WASHC3: variants seen among roughly 807,000 people sequenced by gnomAD.
The protein encoded by WASHC3 is WASH complex subunit CCDC53.
WASHC3 carries 24 observed loss-of-function variants against 26.1 expected under a neutral mutation model. That is an observed-to-expected ratio of 0.92 (90% CI 0.66 to 1.29). The LOEUF is 1.29. WASHC3 is among the 50% of genes most tolerant of loss of function. The probability of loss-of-function intolerance (pLI) is 0.00; values close to 1 mark genes in which losing one functional copy is unlikely to be tolerated. For missense variants in WASHC3, 214 were observed against 229.6 expected (o/e 0.93, Z 0.44); for synonymous variants, 77 against 75.7 (o/e 1.02, Z -0.09).
chr12:102,038,550 GTTT>G (rs773417523), intron 5 of WASHC3, among the ~76,000 whole-genome samples: 7 of 152,094 alleles, frequency 4.6e-5, no homozygotes, highest in South Asian at 2.1e-4. Flanking sequence ...TGTTGTTGTT[GTTT>G]TTTAACAAGT....
chr12:102,026,210 T>C (rs896900593), intron 5 of WASHC3, among the ~76,000 whole-genome samples, 172 bp from the exon 6 acceptor site: 4 of 152,162 alleles, frequency 2.6e-5, no homozygotes, highest in African/African-American at 7.2e-5. Context: ...CCATTTTACA[T>C]TGACCTAACA....
intron 5 of WASHC3, among the ~76,000 whole-genome samples, chr12:102,034,522 T>G (rs1251327855): frequency 6.6e-6 from 1 of 152,096 alleles, no homozygotes; most frequent in African/African-American, 2.4e-5. Context: ...AGGTGATAAC[T>G]TATGACATTA....
intron 5 of WASHC3, among the ~76,000 whole-genome samples, 180 bp from the exon 6 acceptor site, chr12:102,026,218 A>G (rs1565812738): frequency 6.6e-6 from 1 of 152,142 alleles, no homozygotes; most frequent in Non-Finnish European, 1.5e-5. Context: ...CATTGACCTA[A>G]CAGAATTAGT....
intron 6 of WASHC3, 140 bp from the exon 7 acceptor site, chr12:102,013,332 AC>A: frequency 1.7e-6 from 1 of 595,212 alleles, no homozygotes; most frequent in South Asian, 2.0e-5. Flanking sequence ...GCTCTACACC[AC>A]AGCGTGCTTC....
upstream of WASHC3, chr12:102,062,002 C>A: frequency 6.4e-7 from 1 of 1,556,770 alleles, no homozygotes. Flanking sequence ...ACCCACAAAC[C>A]CCTCCCAGAT....
At chr12:102,019,596 T>C (rs1876864269) in intron 6 of WASHC3, among the ~76,000 whole-genome samples, 1 of 152,194 alleles carries the variant, frequency 6.6e-6, no homozygotes. Context: ...ATGAATATCA[T>C]GTATATTTTT....
chr12:102,061,271 G>T lies in WASHC3; in HGVS notation c.127C>A (p.Arg43Ser). The T allele has an allele frequency of 6.2e-7, 1 of 1,613,628 alleles. No individual in the cohort carries two copies. Among genetic ancestry groups the T allele is most frequent in the African/African-American group, 1.3e-5 (1 of 75,024 alleles). Residue 43 changes from arginine (R) to serine (S), a missense_variant, in exon 2 of 7, where the codon CGC (arginine) becomes AGC (serine). Transcript: ENST00000240079. ...ACCTCCTCACAAACTGTAGAAAAGC[G>T]GTTGAGGAACTGTACAGTGTGCACC... ...FVVHTVQFLN[R>S]FSTVCEEKLA...
At chr12:102,043,918 A>G in intron 4 of WASHC3, 187 bp downstream of exon 4, 1 of 360,504 alleles carries the variant, frequency 2.8e-6, no homozygotes, top group Non-Finnish European at 5.1e-6. Flanking sequence ...CAAAGAAAGT[A>G]TTAACTTCAG....
intron 3 of WASHC3, among the ~76,000 whole-genome samples, chr12:102,044,768 T>A (rs1409429955): frequency 6.6e-6 from 1 of 152,200 alleles, no homozygotes; most frequent in Non-Finnish European, 1.5e-5. Flanking sequence ...TATTAAAATA[T>A]GTTTCTTCTA....
At chr12:102,014,281 C>T (rs1876607696) in intron 6 of WASHC3, among the ~76,000 whole-genome samples, 1 of 151,736 alleles carries the variant, frequency 6.6e-6, no homozygotes, top group African/African-American at 2.4e-5. Context: ...CCATGTTGGC[C>T]AGGATGGTCT....
chr12:102,029,699 A>G (rs1877349710), intron 5 of WASHC3, among the ~76,000 whole-genome samples: 1 of 151,770 alleles, frequency 6.6e-6, no homozygotes, highest in African/African-American at 2.4e-5. Flanking sequence ...AATGCTCCTT[A>G]TATTTTAGAG....
chr12:102,034,460 G>T (rs1395877834), intron 5 of WASHC3, among the ~76,000 whole-genome samples: 3 of 152,088 alleles, frequency 2.0e-5, no homozygotes, highest in African/African-American at 7.2e-5. Flanking sequence ...GTAATGGAAT[G>T]GATATAGGAA....
At chr12:102,050,647 GGAAAA>G (rs1453348768) in intron 2 of WASHC3, 5 of 432,556 alleles carry the variant, frequency 1.2e-5, no homozygotes, top group East Asian at 7.4e-5. Context: ...CGTCTCGGGG[GGAAAA>G]GAAAAGAAAA....
At chr12:102,020,272 G>T (rs923178797) in intron 6 of WASHC3, among the ~76,000 whole-genome samples, 2 of 152,128 alleles carry the variant, frequency 1.3e-5, no homozygotes, top group Non-Finnish European at 2.9e-5. Flanking sequence ...ATTACACCAA[G>T]GAAGTAAAGG....
chr12:102,053,713 G>A (rs1414269103), intron 2 of WASHC3, among the ~76,000 whole-genome samples: 1 of 151,800 alleles, frequency 6.6e-6, no homozygotes, highest in Non-Finnish European at 1.5e-5. Context: ...TGACCAAAAT[G>A]AGAAATGTAA....
intron 2 of WASHC3, among the ~76,000 whole-genome samples, chr12:102,052,807 C>T (rs1176145028): frequency 6.6e-6 from 1 of 152,146 alleles, no homozygotes; most frequent in East Asian, 1.9e-4. Context: ...AGGACCATCC[C>T]TGTGGACTCA....
At chr12:102,059,723 AAG>A (rs1315465467) in intron 2 of WASHC3, 1 of 152,204 alleles carries the variant, frequency 6.6e-6, no homozygotes, top group Non-Finnish European at 1.5e-5. Context: ...CTATGGGGAT[AAG>A]AGTATTTGCT....
chr12:102,034,694 A>C (rs559064682), intron 5 of WASHC3, among the ~76,000 whole-genome samples: 1 of 152,162 alleles, frequency 6.6e-6, no homozygotes, highest in East Asian at 1.9e-4. Context: ...TAACAATAAT[A>C]TAATAGGGAA....
At chr12:102,028,464 G>T (rs1043360515) in intron 5 of WASHC3, among the ~76,000 whole-genome samples, 1 of 152,002 alleles carries the variant, frequency 6.6e-6, no homozygotes, top group Non-Finnish European at 1.5e-5. Context: ...ATGGTTTGAT[G>T]GTATAAGGTC....
Sources: gnomAD v4.1 joint callset for allele counts (sites outside exome capture counted in the v4.1 genomes callset) on GRCh38, gnomAD v4.1.1 for gene constraint, MANE v1.5 for transcripts, NCBI Gene and HGNC (gene_info 2026-07-23, HGNC 2026-07-21) for gene names.